Variants in PGM5 observed in about 807,000 individuals in gnomAD.
The protein encoded by PGM5 is phosphoglucomutase 5.
In PGM5, 23 loss-of-function variants were observed where a neutral mutation model predicts 59.2. That is an observed-to-expected ratio of 0.39 (90% confidence interval 0.28 to 0.55). The LOEUF (loss-of-function observed/expected upper bound fraction) is 0.55, where lower values mean the gene tolerates loss of function less well. PGM5 is among the 20% of genes least tolerant of loss of function. The pLI is 0.66. For missense variants in PGM5, 574 were observed against 748.3 expected, an observed-to-expected ratio of 0.77 and a Z score of 2.72; for synonymous variants, 214 against 286.0, an observed-to-expected ratio of 0.75 and a Z score of 2.54.
intron 7 of PGM5, among the ~76,000 whole-genome samples, chr9:68,470,869 A>G (rs1191482384): frequency 6.6e-6 from 1 of 152,234 alleles, no homozygotes; most frequent in Non-Finnish European, 1.5e-5. Context: ...GTGCATTTCA[A>G]TCTAGGCTGG....
intron 6 of PGM5, among the ~76,000 whole-genome samples, chr9:68,401,877 CTATATATA>C (rs202237310): frequency 8.1e-6 from 1 of 123,364 alleles, no homozygotes; most frequent in African/African-American, 2.7e-5. Context: ...AGTTACACAG[CTATATATA>C]TATATGTGTG....
intron 6 of PGM5, chr9:68,393,964 G>C (rs1822431098): frequency 6.6e-6 from 1 of 152,058 alleles, no homozygotes; most frequent in Admixed American, 6.6e-5. Context: ...CATGCAGTGG[G>C]TATGGATGAA....
At chr9:68,413,453 T>G (rs1822969955) in intron 6 of PGM5, among the ~76,000 whole-genome samples, 1 of 152,156 alleles carries the variant, frequency 6.6e-6, no homozygotes, top group Non-Finnish European at 1.5e-5. Context: ...TTGGAGATTA[T>G]CCACTACCCC....
At chr9:68,397,845 T>C (rs1554680169) in intron 6 of PGM5, 1 of 152,232 alleles carries the variant, frequency 6.6e-6, no homozygotes, top group Non-Finnish European at 1.5e-5. Context: ...CTGACTGTGA[T>C]GCTGGGATTA....
chr9:68,529,568 C>G lies in PGM5; in HGVS notation c.1616C>G (p.Ala539Gly). Residue 539 changes from alanine (A) to glycine (G), a missense_variant and splice_region_variant, in exon 11 of 11, where the codon GCA becomes GGA. This residue lies in a region of PGM5 where 300 missense variants were observed against 280.0 expected (regional missense o/e 1.07). Coordinates refer to ENST00000396396, the MANE Select transcript of PGM5 (RefSeq NM_021965.4). ...DPSGHDQEPQ[A>G]VLSPLIAIAL... ...CAGACTTTCCTTTTCCTTTTGCAGGCAGTGCTGAGCCCTCTCATAGCCATC... is the reference window on the plus strand; with the variant it reads ...CAGACTTTCCTTTTCCTTTTGCAGGGAGTGCTGAGCCCTCTCATAGCCATC... 1 of 1,589,094 alleles carries G rather than the reference C, an allele frequency of 6.3e-7. No homozygotes were observed. The highest frequency in any genetic ancestry group is 8.6e-7 in the Non-Finnish European group (1 of 1,163,632).
At chr9:68,410,063 G>T (rs1554681500) in intron 6 of PGM5, among the ~76,000 whole-genome samples, 2 of 152,170 alleles carry the variant, frequency 1.3e-5, no homozygotes, top group Non-Finnish European at 2.9e-5. Flanking sequence ...TGCCTCCCTA[G>T]TAGGATGCAG....
intron 6 of PGM5, chr9:68,395,783 GGGAGAAGA>G (rs1274166933): frequency 6.6e-6 from 1 of 151,908 alleles, no homozygotes; most frequent in Non-Finnish European, 1.5e-5. Flanking sequence ...TTCACTAGAG[GGGAGAAGA>G]ATCACCTACC....
chr9:68,361,084 A>C (rs7470598), intron 1 of PGM5, among the ~76,000 whole-genome samples: 33,502 of 151,894 alleles, frequency 0.22, 3,849 homozygotes, highest in South Asian at 0.37. Context: ...ATGCCCAGCT[A>C]ATTTATTGTT....
chr9:68,387,211 C>T (rs1822244686), intron 3 of PGM5, among the ~76,000 whole-genome samples: 1 of 151,928 alleles, frequency 6.6e-6, no homozygotes, highest in African/African-American at 2.4e-5. Flanking sequence ...TGATATTTTC[C>T]TTGCAAAGAA....
intron 7 of PGM5, among the ~76,000 whole-genome samples, chr9:68,478,245 T>C (rs1037951694): frequency 4.6e-5 from 7 of 152,244 alleles, no homozygotes; most frequent in African/African-American, 1.7e-4. Flanking sequence ...ACTGCAGTCT[T>C]CATTTGTGTG....
intron 6 of PGM5, among the ~76,000 whole-genome samples, chr9:68,427,176 G>A (rs1251188547): frequency 6.6e-6 from 1 of 152,194 alleles, no homozygotes; most frequent in Non-Finnish European, 1.5e-5. Flanking sequence ...GCTTAGTCTT[G>A]AATCTGAGAA....
chr9:68,422,492 A>C (rs1295335646), intron 6 of PGM5, among the ~76,000 whole-genome samples: 1 of 151,608 alleles, frequency 6.6e-6, no homozygotes, highest in Admixed American at 6.6e-5. Context: ...GGGTTTCACT[A>C]TGTTGCCCAG....
intron 7 of PGM5, among the ~76,000 whole-genome samples, chr9:68,474,006 C>T (rs1387254130): frequency 6.6e-6 from 1 of 152,046 alleles, no homozygotes; most frequent in Non-Finnish European, 1.5e-5. Flanking sequence ...AGGCATTCTG[C>T]CCCAAACATG....
At chr9:68,417,688 C>T (rs1554682085) in intron 6 of PGM5, among the ~76,000 whole-genome samples, 3 of 152,178 alleles carry the variant, frequency 2.0e-5, no homozygotes, top group Non-Finnish European at 1.5e-5. Flanking sequence ...GGGGCAACTC[C>T]TGTCTTCAAA....
At chr9:68,492,266 A>G (rs1554687920) in intron 9 of PGM5, among the ~76,000 whole-genome samples, 1 of 152,194 alleles carries the variant, frequency 6.6e-6, no homozygotes, top group Admixed American at 6.5e-5. Flanking sequence ...GTCATTGGCC[A>G]AAGAAATGGG....
At chr9:68,507,034 T>C (rs1554689068) in intron 10 of PGM5, among the ~76,000 whole-genome samples, 1 of 152,162 alleles carries the variant, frequency 6.6e-6, no homozygotes, top group African/African-American at 2.4e-5. Flanking sequence ...GATGTTGTTA[T>C]TTAAAAAGAA....
At chr9:68,434,632 C>T (rs1316286394) in intron 6 of PGM5, among the ~76,000 whole-genome samples, 1 of 152,074 alleles carries the variant, frequency 6.6e-6, no homozygotes, top group Non-Finnish European at 1.5e-5. Context: ...CATGACAAAA[C>T]CCATCTCTAC....
chr9:68,435,232 T>G (rs530006719), intron 6 of PGM5, among the ~76,000 whole-genome samples: 1 of 152,350 alleles, frequency 6.6e-6, no homozygotes, highest in South Asian at 2.1e-4. Context: ...TTTCTGCATG[T>G]GTTTAGTTTT....
At chr9:68,439,975 A>C (rs1283975770) in intron 6 of PGM5, among the ~76,000 whole-genome samples, 2 of 152,204 alleles carry the variant, frequency 1.3e-5, no homozygotes, top group African/African-American at 4.8e-5. Context: ...CTGCACTGCA[A>C]AGTCTTTGAA....
Sources: allele counts gnomAD v4.1 joint callset (sites outside exome capture counted in the v4.1 genomes callset), GRCh38; gene constraint gnomAD v4.1.1; regional missense constraint gnomAD v4.1.1; transcripts MANE v1.5; gene names NCBI Gene and HGNC (gene_info 2026-07-23, HGNC 2026-07-21).